The following TNRC6B variants were observed in gnomAD, a reference collection of about 807,000 sequenced individuals.
The protein encoded by TNRC6B is trinucleotide repeat containing adaptor 6B.
In TNRC6B, 52 loss-of-function variants were observed where a neutral mutation model predicts 203.6. The ratio of observed to expected loss-of-function variants is 0.26; its 90% confidence interval spans 0.20 to 0.32. The LOEUF is 0.32. TNRC6B is among the 10% of genes least tolerant of loss of function. The pLI, the probability that TNRC6B is intolerant of heterozygous loss-of-function variation, is 1.00. For missense variants in TNRC6B, 1,923 were observed against 2,286.2 expected, an observed-to-expected ratio of 0.84 and a Z score of 3.24; for synonymous variants, 838 against 845.7, an observed-to-expected ratio of 0.99 and a Z score of 0.16.
At chr22:40,322,305 A>G (rs1174049220) in intron 22 of TNRC6B, among the ~76,000 whole-genome samples, 3 of 152,192 alleles carry the variant, frequency 2.0e-5, no homozygotes, top group African/African-American at 7.2e-5. Context: ...AGCCTCCACT[A>G]TTATCAACAT....
At chr22:40,314,572 A>G (rs2071231208) in intron 19 of TNRC6B, among the ~76,000 whole-genome samples, 1 of 152,192 alleles carries the variant, frequency 6.6e-6, no homozygotes, top group Non-Finnish European at 1.5e-5. Flanking sequence ...CCATCCATTT[A>G]TGTAAATCCT....
rs191309851 is a variant in TNRC6B, at chr22:40,137,179, C to T, written c.45+11317C>T. On this transcript the variant is annotated intron_variant, in intron 3 of 23. Coordinates refer to the TNRC6B transcript ENST00000301923. ...ATTGTTTAATAAAGTCTTTTGCTTT[C>T]CAGAGCTTAGGATATCTCTACCTTA... Among the ~76,000 whole-genome samples, 5 of 152,324 alleles carry T rather than the reference C, an allele frequency of 3.3e-5. No homozygotes were observed. In the East Asian group the frequency reaches 9.6e-4, roughly 29 times the overall value.
chr22:40,161,620 T>C (rs1419755669), intron 4 of TNRC6B, among the ~76,000 whole-genome samples: 1 of 152,234 alleles, frequency 6.6e-6, no homozygotes, highest in Non-Finnish European at 1.5e-5. Flanking sequence ...AATTGACTTG[T>C]GATATTGAGA....
intron 1 of TNRC6B, among the ~76,000 whole-genome samples, chr22:40,200,027 G>C (rs556483383): frequency 6.6e-6 from 1 of 151,902 alleles, no homozygotes; most frequent in Non-Finnish European, 1.5e-5. Flanking sequence ...TTGAACTCCT[G>C]ACTTCAAGTG....
At chr22:40,147,680 G>T (rs1170359566) in intron 3 of TNRC6B, among the ~76,000 whole-genome samples, 1 of 152,144 alleles carries the variant, frequency 6.6e-6, no homozygotes, top group Non-Finnish European at 1.5e-5. Flanking sequence ...CTTCCAGAAG[G>T]CCCCACCTCC....
chr22:40,070,628 G>T lies in TNRC6B; in HGVS notation c.-121+25630G>T, dbSNP rs551003245. On this transcript the variant is annotated intron_variant, in intron 1 of 23. Transcript: ENST00000301923. ...TAGAATATTTTAAGTTTGAGGAAAA[G>T]AATTAGTTCAAATTAATTTACAGGT... Among the ~76,000 whole-genome samples the T allele has an allele frequency of 3.9e-5, 6 of 152,210 alleles. No individual in the cohort carries two copies. The East Asian group carries it at 5.8e-4, about 15-fold the overall frequency.
At chr22:40,059,851 T>A (rs894392058) in intron 1 of TNRC6B, among the ~76,000 whole-genome samples, 2 of 140,148 alleles carry the variant, frequency 1.4e-5, no homozygotes, top group Admixed American at 1.5e-4. Context: ...CGAGACGGAG[T>A]CTCGCTCTGT....
At chr22:40,118,226 G>A (rs2068409207) in intron 2 of TNRC6B, among the ~76,000 whole-genome samples, 1 of 152,132 alleles carries the variant, frequency 6.6e-6, no homozygotes, top group African/African-American at 2.4e-5. Context: ...CATAACCATA[G>A]CCACTGCTAA....
chr22:40,094,410 A>C (rs2068172050), intron 1 of TNRC6B, among the ~76,000 whole-genome samples: 2 of 152,226 alleles, frequency 1.3e-5, no homozygotes, highest in African/African-American at 4.8e-5. Context: ...CTCAAAATTG[A>C]TGAAATATAG....
At chr22:40,090,289 A>G (rs2068139464) in intron 1 of TNRC6B, among the ~76,000 whole-genome samples, 1 of 152,190 alleles carries the variant, frequency 6.6e-6, no homozygotes, top group Admixed American at 6.5e-5. Context: ...ACGGTTTTGC[A>G]TTCCCACCAG....
chr22:40,196,191 C>T (rs2069334961), intron 1 of TNRC6B, among the ~76,000 whole-genome samples: 1 of 151,568 alleles, frequency 6.6e-6, no homozygotes, highest in Non-Finnish European at 1.5e-5. Context: ...TTTTTTGAGA[C>T]AGGGTCTCAG....
intron 1 of TNRC6B, among the ~76,000 whole-genome samples, chr22:40,091,569 A>G (rs940738390): frequency 3.9e-5 from 6 of 152,160 alleles, no homozygotes; most frequent in African/African-American, 1.4e-4. Flanking sequence ...GACTGTTACT[A>G]ATGTTTTTAA....
intron 3 of TNRC6B, among the ~76,000 whole-genome samples, chr22:40,147,066 T>A (rs937344739): frequency 1.3e-5 from 2 of 152,174 alleles, no homozygotes; most frequent in Non-Finnish European, 2.9e-5. Context: ...GAAGGGTGAA[T>A]GGATAAACAA....
intron 3 of TNRC6B, among the ~76,000 whole-genome samples, chr22:40,153,407 G>A (rs1039751576): frequency 6.6e-6 from 1 of 152,160 alleles, no homozygotes; most frequent in Non-Finnish European, 1.5e-5. Flanking sequence ...TTCGGAGCAG[G>A]AGAAACCCCT....
intron 3 of TNRC6B, among the ~76,000 whole-genome samples, chr22:40,256,840 C>T (rs542993220): frequency 3.9e-5 from 6 of 152,196 alleles, no homozygotes; most frequent in South Asian, 2.1e-4. Flanking sequence ...GAGGGAATGA[C>T]GAGTGGTGTC....
intron 2 of TNRC6B, among the ~76,000 whole-genome samples, chr22:40,125,091 C>T (rs2068477921): frequency 6.6e-6 from 1 of 151,818 alleles, no homozygotes. Context: ...TAGTAGTTTC[C>T]TTTTGGTACA....
intron 15 of TNRC6B, among the ~76,000 whole-genome samples, chr22:40,303,702 A>T (rs1410699477): frequency 6.6e-6 from 1 of 151,904 alleles, no homozygotes; most frequent in Non-Finnish European, 1.5e-5. Context: ...ACTTGAGGTC[A>T]GGAGTTCAAG....
intron 2 of TNRC6B, among the ~76,000 whole-genome samples, chr22:40,120,272 G>T (rs2068431788): frequency 6.6e-6 from 1 of 151,062 alleles, no homozygotes; most frequent in Admixed American, 6.6e-5. Flanking sequence ...TGAGGCTGAG[G>T]CTACATTGAG....
chr22:40,132,969 A>AAAAATAT (rs1282694632), intron 3 of TNRC6B, among the ~76,000 whole-genome samples: 10 of 78,174 alleles, frequency 1.3e-4, no homozygotes, highest in African/African-American at 2.0e-4. Flanking sequence ...AAAAAAAAAA[A>AAAAATAT]ATATATATAT....
Sources: allele counts gnomAD v4.1 joint callset (sites outside exome capture counted in the v4.1 genomes callset), GRCh38; gene constraint gnomAD v4.1.1; transcripts MANE v1.5; gene names NCBI Gene and HGNC (gene_info 2026-07-23, HGNC 2026-07-21).